The following CDK14 variants were observed in gnomAD, a reference collection of about 807,000 sequenced individuals.
CDK14 encodes the protein cyclin dependent kinase 14.
A neutral mutation model predicts 60.7 loss-of-function variants in CDK14; 34 were observed. The observed-to-expected ratio is 0.56, with a 90% CI of 0.43 to 0.75. The LOEUF is 0.75. Among genes scored for constraint, CDK14 ranks in the 30% least tolerant of loss-of-function variants. The pLI is 0.00. For synonymous variants in CDK14, 197 were observed against 203.7 expected, an observed-to-expected ratio of 0.97 and a Z score of 0.28; for missense variants, 482 against 564.1, an observed-to-expected ratio of 0.85 and a Z score of 1.47.
At chr7:91,094,152 G>A (rs549194838) in intron 12 of CDK14, among the ~76,000 whole-genome samples, 3 of 152,016 alleles carry the variant, frequency 2.0e-5, no homozygotes, top group African/African-American at 4.8e-5. Flanking sequence ...AAACCTGCAC[G>A]TGTACCCCCT....
At chr7:90,708,159 C>G (rs549750823) in intron 2 of CDK14, among the ~76,000 whole-genome samples, 44 of 152,202 alleles carry the variant, frequency 2.9e-4, no homozygotes, top group African/African-American at 9.4e-4. Context: ...AGATGCCTAG[C>G]ATTGTATTAT....
At chr7:91,172,442 G>A (rs376930033) in intron 14 of CDK14, among the ~76,000 whole-genome samples, 121 of 152,160 alleles carry the variant, frequency 8.0e-4, no homozygotes, top group African/African-American at 2.7e-3. Flanking sequence ...CTTCCTAAAT[G>A]GACTTCCTCC....
At chr7:91,168,402 G>T (rs569693275) in intron 14 of CDK14, among the ~76,000 whole-genome samples, 1 of 152,006 alleles carries the variant, frequency 6.6e-6, no homozygotes, top group Non-Finnish European at 1.5e-5. Context: ...CATAAATTCA[G>T]GTATATATTT....
intron 2 of CDK14, among the ~76,000 whole-genome samples, chr7:90,680,099 G>A (rs1200150385): frequency 6.7e-6 from 1 of 149,360 alleles, no homozygotes; most frequent in Non-Finnish European, 1.5e-5. Context: ...TATATTTTTC[G>A]TTTGTATGTA....
At chr7:90,838,032 G>A (rs1281414107) in intron 5 of CDK14, among the ~76,000 whole-genome samples, 1 of 152,264 alleles carries the variant, frequency 6.6e-6, no homozygotes, top group South Asian at 2.1e-4. Flanking sequence ...AGTTCCCTCT[G>A]CTGCAACGGG....
At chr7:90,623,198 C>T (rs1254567745) in intron 2 of CDK14, among the ~76,000 whole-genome samples, 3 of 151,856 alleles carry the variant, frequency 2.0e-5, no homozygotes, top group Non-Finnish European at 4.4e-5. Flanking sequence ...CAGACATATA[C>T]GTAGGTCTAA....
intron 2 of CDK14, among the ~76,000 whole-genome samples, chr7:90,670,381 G>C (rs1230408036): frequency 6.6e-6 from 1 of 152,076 alleles, no homozygotes; most frequent in East Asian, 1.9e-4. Flanking sequence ...CTATAATCTT[G>C]ATTTCTTTAT....
intron 4 of CDK14, among the ~76,000 whole-genome samples, chr7:90,775,492 T>C (rs1460191125): frequency 6.6e-6 from 1 of 152,154 alleles, no homozygotes; most frequent in Non-Finnish European, 1.5e-5. Context: ...AAATGGCAAC[T>C]TGACCTCAGA....
intron 9 of CDK14, among the ~76,000 whole-genome samples, chr7:90,962,682 A>T (rs1027085519): frequency 6.6e-6 from 1 of 152,196 alleles, no homozygotes; most frequent in African/African-American, 2.4e-5. Flanking sequence ...GAACAAATAA[A>T]AATTTCCCCA....
At chr7:90,758,444 T>G (rs1323793848) in intron 4 of CDK14, among the ~76,000 whole-genome samples, 1 of 152,212 alleles carries the variant, frequency 6.6e-6, no homozygotes, top group Non-Finnish European at 1.5e-5. Flanking sequence ...GTATAATACT[T>G]TGGAAAATTA....
intron 2 of CDK14, among the ~76,000 whole-genome samples, chr7:90,669,144 C>T (rs1229697909): frequency 6.6e-6 from 1 of 152,146 alleles, no homozygotes; most frequent in African/African-American, 2.4e-5. Flanking sequence ...CCATTCTTAA[C>T]TAACCATGAC....
chr7:91,098,617 A>G (rs1799076699), intron 12 of CDK14, among the ~76,000 whole-genome samples: 1 of 152,128 alleles, frequency 6.6e-6, no homozygotes, highest in Admixed American at 6.5e-5. Context: ...GCCTTTAAGA[A>G]AAGTTCCTTT....
At chr7:90,743,915 A>G (rs923111294) in intron 3 of CDK14, among the ~76,000 whole-genome samples, 26 of 149,092 alleles carry the variant, frequency 1.7e-4, no homozygotes, top group Admixed American at 4.7e-4. Flanking sequence ...TGTTTTTTTT[A>G]TTTTTTAATC....
At chr7:91,050,822 G>T (rs76552819) in intron 11 of CDK14, among the ~76,000 whole-genome samples, 2,865 of 152,274 alleles carry the variant, frequency 0.019, 38 homozygotes, top group Admixed American at 0.028. Flanking sequence ...GGGGGAGCAT[G>T]CATGTCACAT....
intron 2 of CDK14, among the ~76,000 whole-genome samples, chr7:90,720,192 G>T (rs145863962): frequency 3.9e-5 from 6 of 152,256 alleles, no homozygotes; most frequent in African/African-American, 1.4e-4. Context: ...ACAGTCTAAG[G>T]TATGCAAAAT....
intron 11 of CDK14, among the ~76,000 whole-genome samples, chr7:91,055,647 C>T (rs1797525300): frequency 6.6e-6 from 1 of 152,172 alleles, no homozygotes; most frequent in South Asian, 2.1e-4. Flanking sequence ...TATAGAGGGC[C>T]AATCACCATA....
Position 90,596,592 on chromosome 7 carries a change from A to C in CDK14, c.-36A>C. Reference sequence around the variant, plus strand: ...CCGTTGTCTGAGCTGTGCCTGGACCAGTTTGGGGAAGTTGTCGGGGCTCCG... The same window carrying C: ...CCGTTGTCTGAGCTGTGCCTGGACCCGTTTGGGGAAGTTGTCGGGGCTCCG... On this transcript the variant is annotated 5_prime_UTR_variant, in exon 1 of 15. Transcript: ENST00000380050. The C allele has an allele frequency of 6.4e-7, 1 of 1,573,100 alleles. No individual in the cohort carries two copies.
intron 14 of CDK14, among the ~76,000 whole-genome samples, chr7:91,191,764 AATGT>A (rs1802371710): frequency 6.6e-6 from 1 of 152,006 alleles, no homozygotes; most frequent in Non-Finnish European, 1.5e-5. Context: ...GTGGTCAGAA[AATGT>A]ATGTATGCTT....
intron 2 of CDK14, among the ~76,000 whole-genome samples, chr7:90,606,340 GATA>G (rs1396108620): frequency 6.6e-6 from 1 of 152,150 alleles, no homozygotes; most frequent in Non-Finnish European, 1.5e-5. Flanking sequence ...GTAAAATAGA[GATA>G]ATAATAGTAT....
Sources: allele counts gnomAD v4.1 joint callset (sites outside exome capture counted in the v4.1 genomes callset), GRCh38; gene constraint gnomAD v4.1.1; transcripts MANE v1.5; gene names NCBI Gene and HGNC (gene_info 2026-07-23, HGNC 2026-07-21).